CCDC191: variants seen among roughly 807,000 people sequenced by gnomAD.
The protein encoded by CCDC191 is coiled-coil domain containing 191.
Under a neutral mutation model 114.0 loss-of-function variants are expected in CCDC191, and 99 were observed. The observed-to-expected ratio is 0.87, with a 90% CI of 0.74 to 1.03. The LOEUF (loss-of-function observed/expected upper bound fraction) is 1.03, where lower values mean the gene tolerates loss of function less well. CCDC191 is among the 50% of genes least tolerant of loss of function. The pLI is 0.00. For synonymous variants in CCDC191, 351 were observed against 376.0 expected (o/e 0.93, Z 0.77); for missense variants, 973 against 1,087.0 (o/e 0.90, Z 1.47).
intron 16 of CCDC191, among the ~76,000 whole-genome samples, chr3:113,974,056 T>A (rs1211747269): frequency 6.6e-6 from 1 of 151,960 alleles, no homozygotes; most frequent in Non-Finnish European, 1.5e-5. Context: ...CTTGATCCAT[T>A]TGGCTGTTGA....
At chr3:114,011,226 G>T (rs2076064997) in intron 8 of CCDC191, among the ~76,000 whole-genome samples, 1 of 152,098 alleles carries the variant, frequency 6.6e-6, no homozygotes, top group Admixed American at 6.6e-5. Context: ...CACTTCAACA[G>T]ATTACCTTCA....
rs1017006779 is a variant in CCDC191 at position 113,965,056 on chromosome 3, G to C, written c.*99C>G. 1.6e-6 allele frequency: 1 copy of C among 624,176 alleles called. No individual in the cohort carries two copies. Among genetic ancestry groups the C allele is most frequent in the African/African-American group, 1.9e-5 (1 of 53,522 alleles). The allele number at this position is 624,176 out of a possible 1,614,324, so 38.7% of individuals were successfully genotyped here. ...TTTGATCTAAGAAGTAGCTCGTAGA[G>C]AATAAACCAGGTGTATGTATGTATG... On this transcript the variant is annotated 3_prime_UTR_variant, in exon 17 of 17. Transcript: ENST00000295878.
intron 13 of CCDC191, among the ~76,000 whole-genome samples, chr3:113,998,943 T>C (rs778381775): frequency 2.6e-5 from 4 of 152,198 alleles, no homozygotes; most frequent in Non-Finnish European, 5.9e-5. Flanking sequence ...CGGAATTCAC[T>C]GGCCTTACTA....
At chr3:114,008,251 T>C (rs1418656323) in intron 9 of CCDC191, among the ~76,000 whole-genome samples, 1 of 151,276 alleles carries the variant, frequency 6.6e-6, no homozygotes, top group African/African-American at 2.4e-5. Flanking sequence ...TTTCTTAAGA[T>C]AGAAGTCTGT....
rs888443284 is a variant in CCDC191 at position 114,001,610 on chromosome 3, C to G, written c.2148G>C (p.Lys716Asn). 6.2e-7 allele frequency: 1 copy of G among 1,613,692 alleles called. No individual in the cohort carries two copies. The highest frequency in any genetic ancestry group is 8.5e-7 in the Non-Finnish European group (1 of 1,179,792). ...CAATACTAACCATTTTCTTCAGTCT[C>G]TTCTCTTCTCGTTTTCTTTCAAGCT... Reference protein sequence around the residue: ...EAQLERKREEKRLKKMKELEK... With the variant: ...EAQLERKREENRLKKMKELEK... Residue 716 changes from lysine to asparagine, a missense_variant, in exon 13 of 17, where the codon AAG becomes AAC. Transcript: ENST00000295878.
At chr3:114,055,587 G>C (rs866259731) in intron 1 of CCDC191, among the ~76,000 whole-genome samples, 1 of 152,228 alleles carries the variant, frequency 6.6e-6, no homozygotes, top group Middle Eastern at 3.4e-3. Flanking sequence ...ATAACTTAAG[G>C]GTGAAAACAG....
intron 7 of CCDC191, among the ~76,000 whole-genome samples, chr3:114,029,371 C>T (rs2076372269): frequency 6.6e-6 from 1 of 151,908 alleles, no homozygotes; most frequent in South Asian, 2.1e-4. Context: ...TAAACAATTG[C>T]ATAAATGAAT....
chr3:114,049,075 C>T (rs555631463), intron 2 of CCDC191, among the ~76,000 whole-genome samples: 1 of 152,184 alleles, frequency 6.6e-6, no homozygotes, highest in East Asian at 1.9e-4. Flanking sequence ...TTAAGTCAGA[C>T]AGAAGCAGAG....
intron 11 of CCDC191, chr3:114,003,514 A>C: frequency 2.0e-6 from 2 of 985,218 alleles, no homozygotes; most frequent in Non-Finnish European, 2.4e-6. Context: ...CCTAAGAAGC[A>C]GAGTCTCTGG....
Position 114,018,683 on chromosome 3 carries a change from T to G in CCDC191, c.1158A>C (p.Glu386Asp). ...TQALENDLRE[E>D]NRKQQLATEY... ...CACAATACAAATAATGATACCTGTT[T>G]TCTTCCCTAAGATCATTTTCCAAGG... Residue 386 changes from glutamate (E) to aspartate (D), a missense_variant, in exon 8 of 17, where the codon GAA becomes GAC. Glu to Asp is a conservative substitution (Grantham distance 45). Coordinates refer to ENST00000295878, the MANE Select transcript of CCDC191 (RefSeq NM_020817.2). The G allele has an allele frequency of 4.3e-6, 7 of 1,609,420 alleles. No homozygotes were observed. Among genetic ancestry groups the G allele is most frequent in the Non-Finnish European group, 5.9e-6 (7 of 1,177,702 alleles).
chr3:113,965,072 T>TGTA lies in CCDC191; in HGVS notation c.*80_*82dup. 1 of 692,406 alleles carries TGTA rather than the reference T, an allele frequency of 1.4e-6. No homozygotes were observed. The highest frequency in any genetic ancestry group is 2.7e-5 in the South Asian group (1 of 36,976). The allele number at this position is 692,406 out of a possible 1,614,324, so 42.9% of individuals were successfully genotyped here. ...GCTCGTAGAGAATAAACCAGGTGTA[T>TGTA]GTATGTATGTGTGTGGGTGGGTGGA... On this transcript the variant is annotated 3_prime_UTR_variant, in exon 17 of 17. Coordinates refer to ENST00000295878, the MANE Select transcript of CCDC191 (RefSeq NM_020817.2).
chr3:113,999,284 G>C (rs1048164121), intron 13 of CCDC191, among the ~76,000 whole-genome samples: 15 of 152,166 alleles, frequency 9.9e-5, no homozygotes, highest in Non-Finnish European at 1.6e-4. Flanking sequence ...CTTTCACCAA[G>C]AGACATAATG....
chr3:114,008,239 T>C (rs2076007500), intron 9 of CCDC191, among the ~76,000 whole-genome samples: 1 of 151,144 alleles, frequency 6.6e-6, no homozygotes, highest in African/African-American at 2.4e-5. Flanking sequence ...TCCATACAGC[T>C]CTTTCTTAAG....
At chr3:114,026,048 T>C (rs1393955241) in intron 7 of CCDC191, among the ~76,000 whole-genome samples, 1 of 152,212 alleles carries the variant, frequency 6.6e-6, no homozygotes, top group Non-Finnish European at 1.5e-5. Flanking sequence ...ATGGGCTTCA[T>C]TTGTGCCAAA....
At chr3:113,978,492 A>G in intron 15 of CCDC191, 161 bp from the exon 16 acceptor site, 1 of 700,964 alleles carries the variant, frequency 1.4e-6, no homozygotes, top group South Asian at 2.0e-5. Context: ...AATATCCTCT[A>G]TAATGTATCC....
chr3:113,967,677 A>G (rs1231965532), intron 16 of CCDC191, among the ~76,000 whole-genome samples: 1 of 152,180 alleles, frequency 6.6e-6, no homozygotes. Flanking sequence ...TTTGAAATGC[A>G]CAATAGGTTA....
chr3:114,056,312 T>C lies in CCDC191; in HGVS notation c.90+65A>G, dbSNP rs2076780080. 1.2e-5 allele frequency: 18 copies of C among 1,506,112 alleles called. No homozygotes were observed. In the East Asian group the frequency reaches 4.1e-4, roughly 34 times the overall value. 93.3% of individuals were successfully genotyped at this position (1,506,112 alleles called of 1,614,324 possible). ...GCAGGAAGCACAGACGGGCCGCGAC[T>C]GGCTTCCTGACTGCGCCGCGCCTTG... On this transcript the variant is annotated intron_variant, in intron 1 of 16. Transcript: ENST00000295878.
rs371954360 is a variant in CCDC191 at position 114,018,876 on chromosome 3, G to T, written c.973-8C>A. ...GAAATACCGTTTTTGACACTGCAGC[G>T]GAAATATTAGGAAAATCACCACCCA... On this transcript the variant is annotated splice_region_variant and splice_polypyrimidine_tract_variant and intron_variant, in intron 7 of 16. Coordinates refer to ENST00000295878, the MANE Select transcript of CCDC191 (RefSeq NM_020817.2). 2 of 1,611,882 alleles carry T rather than the reference G, an allele frequency of 1.2e-6. No individual in the cohort carries two copies. Among genetic ancestry groups the T allele is most frequent in the Non-Finnish European group, 1.7e-6 (2 of 1,178,752 alleles).
upstream of CCDC191, chr3:114,056,589 C>T (rs1157893139): frequency 1.9e-6 from 3 of 1,589,578 alleles, no homozygotes; most frequent in Admixed American, 1.7e-5. Flanking sequence ...CATAGGACAC[C>T]GTCGAACCAC....
Sources: allele counts gnomAD v4.1 joint callset (sites outside exome capture counted in the v4.1 genomes callset), GRCh38; gene constraint gnomAD v4.1.1; transcripts MANE v1.5; gene names NCBI Gene and HGNC (gene_info 2026-07-23, HGNC 2026-07-21).